Variants in ZNF560 observed in about 807,000 individuals in gnomAD.
The protein encoded by ZNF560 is zinc finger protein 560.
In ZNF560, 54 loss-of-function variants were observed where a neutral mutation model predicts 81.8. That is an observed-to-expected ratio of 0.66 (90% CI 0.53 to 0.83). The LOEUF is 0.83. ZNF560 is among the 40% of genes least tolerant of loss of function. The pLI, the probability that ZNF560 is intolerant of heterozygous loss-of-function variation, is 0.00. For missense variants in ZNF560, 940 were observed against 932.4 expected (o/e 1.01, Z -0.11); for synonymous variants, 321 against 317.9 (o/e 1.01, Z -0.10).
At chr19:9,454,360 G>A in the ZNF560 span, among the ~76,000 whole-genome samples, 7 of 152,312 alleles carry the variant, frequency 4.6e-5, no homozygotes, top group Admixed American at 3.9e-4. Flanking sequence ...GCACCGCTGG[G>A]TTGAGGTCTC....
rs1337761381 is a variant in ZNF560, at chr19:9,491,409, AC to A, written c.-57+6718del. On this transcript the variant is annotated intron_variant, in intron 2 of 9. Coordinates refer to ENST00000301480, the MANE Select transcript of ZNF560 (RefSeq NM_152476.3). ...AGTGTTAGAGTTACAGGCCTGAGCC[AC>A]CATGCCCCATCCAATCAACAAAGAT... Among the ~76,000 whole-genome samples the A allele has an allele frequency of 2.0e-5, 3 of 152,238 alleles. No homozygotes were observed. The East Asian group carries it at 5.8e-4, about 29-fold the overall frequency.
At chr19:9,477,913 T>A (rs1409816242) in intron 2 of ZNF560, among the ~76,000 whole-genome samples, 1 of 152,006 alleles carries the variant, frequency 6.6e-6, no homozygotes, top group East Asian at 1.9e-4. Context: ...AGGGACATCA[T>A]CAAAAGAGCA....
chr19:9,481,519 C>T (rs1379883494), intron 2 of ZNF560, among the ~76,000 whole-genome samples: 4 of 152,068 alleles, frequency 2.6e-5, no homozygotes, highest in Non-Finnish European at 4.4e-5. Flanking sequence ...TTGTAATCTA[C>T]AAATCTGACA....
chr19:9,484,835 A>T (rs1019005607), intron 2 of ZNF560, among the ~76,000 whole-genome samples: 2 of 145,278 alleles, frequency 1.4e-5, no homozygotes, highest in African/African-American at 2.8e-5. Context: ...TTTAAAAAAT[A>T]AAAAAAAGAA....
upstream of ZNF560, among the ~76,000 whole-genome samples, chr19:9,502,336 C>T (rs1053617777): frequency 1.3e-5 from 2 of 151,722 alleles, no homozygotes; most frequent in Admixed American, 6.6e-5. Flanking sequence ...TTCAGCCTCC[C>T]GAGTAGCTGG....
chr19:9,470,465 A>T lies in ZNF560; in HGVS notation c.375T>A (p.Thr125=). ...GGTTTCTCTGAGCTGGGTCCAGTAA[A>T]GTCCACTCTTCCTGGGTGAACTCCA... ...VAVEFTQEEW[T]LLDPAQRNLY... The change falls in exon 7 of 10, where the codon ACT becomes ACA. Residue 125 remains threonine, a synonymous_variant. Coordinates refer to ENST00000301480, the MANE Select transcript of ZNF560 (RefSeq NM_152476.3). The T allele has an allele frequency of 6.2e-7, 1 of 1,614,156 alleles. No homozygotes were observed. The highest frequency in any genetic ancestry group is 8.5e-7 in the Non-Finnish European group (1 of 1,180,020).
chr19:9,493,944 C>T (rs1424935411), intron 2 of ZNF560, among the ~76,000 whole-genome samples: 1 of 151,616 alleles, frequency 6.6e-6, no homozygotes. Context: ...ACCAGCCTGG[C>T]CAACATGGTG....
In ZNF560 at chr19:9,466,564, G is replaced by A. The variant is rs2073019613; in HGVS notation, c.*10C>T. 6.4e-7 allele frequency: 1 copy of A among 1,566,324 alleles called. No homozygotes were observed. ...TTTTTCCACATTCTTCACATCCACAGGGCTTCTCTCTAGTGTGTTTTCAAA... is the reference window on the plus strand; with the variant it reads ...TTTTTCCACATTCTTCACATCCACAAGGCTTCTCTCTAGTGTGTTTTCAAA... On this transcript the variant is annotated 3_prime_UTR_variant, in exon 10 of 10. Coordinates refer to ENST00000301480, the MANE Select transcript of ZNF560 (RefSeq NM_152476.3).
At chr19:9,446,099 C>T in the ZNF560 span, among the ~76,000 whole-genome samples, 3 of 152,120 alleles carry the variant, frequency 2.0e-5, no homozygotes, top group African/African-American at 7.2e-5. Context: ...TGGAACTCTC[C>T]ATGTTGGTCA....
At chr19:9,504,041 C>T in the ZNF560 span, among the ~76,000 whole-genome samples, 2 of 152,144 alleles carry the variant, frequency 1.3e-5, no homozygotes, top group African/African-American at 4.8e-5. Context: ...TTAATTCACA[C>T]ATATTTATGT....
chr19:9,466,656 C>G lies in ZNF560; in HGVS notation c.2291G>C (p.Gly764Ala), dbSNP rs1172651998. 1 of 1,613,914 alleles carries G rather than the reference C, an allele frequency of 6.2e-7. No individual in the cohort carries two copies. The highest frequency in any genetic ancestry group is 8.5e-7 in the Non-Finnish European group (1 of 1,179,994). The change falls in exon 10 of 10, where the codon GGA (glycine) becomes GCA (alanine). Residue 764 changes from glycine to alanine, a missense_variant. Coordinates refer to ENST00000301480, the MANE Select transcript of ZNF560 (RefSeq NM_152476.3). ...GRIQHLRTHM[G>A]EKPFECDQCG... ...CTGGTCACATTCAAAGGGTTTCTCT[C>G]CCATATGAGTTCTTAAATGTTGAAT...
intron 3 of ZNF560, 69 bp downstream of exon 3, chr19:9,475,215 C>T (rs375534092): frequency 2.0e-6 from 3 of 1,531,096 alleles, no homozygotes; most frequent in East Asian, 2.2e-5. Flanking sequence ...ACACATCTGC[C>T]TAGAAGGAAA....
chr19:9,451,052 G>A, the ZNF560 span, among the ~76,000 whole-genome samples: 1 of 152,116 alleles, frequency 6.6e-6, no homozygotes, highest in East Asian at 1.9e-4. Context: ...AGTGCCTAAA[G>A]CAATCTGCAG....
In ZNF560 at chr19:9,466,731, G is replaced by T; in HGVS notation, c.2216C>A (p.Pro739His). 1 of 1,614,062 alleles carries T rather than the reference G, an allele frequency of 6.2e-7. No homozygotes were observed. Among genetic ancestry groups the T allele is most frequent in the Non-Finnish European group, 8.5e-7 (1 of 1,179,994 alleles). Residue 739 changes from proline (P) to histidine (H), a missense_variant, in exon 10 of 10, where the codon CCC becomes CAC. Physicochemically the swap from Pro to His is moderately conservative, Grantham distance 77. Coordinates refer to ENST00000301480, the MANE Select transcript of ZNF560 (RefSeq NM_152476.3). ...NHVRIHTGEK[P>H]YKCKECGKAF... ...CTTCCCACATTCCTTACATTTATAG[G>T]GCTTCTCTCCAGTGTGAATTCGCAC...
intron 5 of ZNF560, among the ~76,000 whole-genome samples, chr19:9,472,258 G>T (rs941704906): frequency 1.3e-5 from 2 of 152,148 alleles, no homozygotes; most frequent in African/African-American, 4.8e-5. Context: ...TTCATGAATG[G>T]CTTAGTGACA....
At chr19:9,494,130 CAAAAAA>C in intron 2 of ZNF560, among the ~76,000 whole-genome samples, 2 of 67,222 alleles carry the variant, frequency 3.0e-5, no homozygotes, top group South Asian at 8.7e-4. Flanking sequence ...GACTCCATCT[CAAAAAA>C]AAAAAAAAAA....
intron 2 of ZNF560, among the ~76,000 whole-genome samples, chr19:9,492,015 C>T (rs1224748404): frequency 6.6e-6 from 1 of 150,626 alleles, no homozygotes; most frequent in Non-Finnish European, 1.5e-5. Flanking sequence ...AGGTCTCACT[C>T]TGTCACCCAG....
chr19:9,468,395 CTCT>C, intron 9 of ZNF560, 61 bp from the exon 10 acceptor site: 1 of 1,232,346 alleles, frequency 8.1e-7, no homozygotes, highest in Non-Finnish European at 1.1e-6. Flanking sequence ...ATAGATACCA[CTCT>C]TCTAAGAAAC....
chr19:9,471,378 T>C lies in ZNF560; in HGVS notation c.239A>G (p.Asp80Gly), dbSNP rs150318401. The change falls in exon 6 of 10, where the codon GAC (aspartate) becomes GGC (glycine). Residue 80 changes from aspartate to glycine, a missense_variant and splice_region_variant. Asp to Gly is a moderately conservative substitution (Grantham distance 94). Coordinates refer to ENST00000301480, the MANE Select transcript of ZNF560 (RefSeq NM_152476.3). ...ACTGGTTTGATGTTTTATTGCCCAG[T>C]CTGAAACAAAAACATAAACTGAGGT... ...LRTLQQGVLQ[D>G]WAIKHQTSVS... 493 of 1,553,378 alleles carry C rather than the reference T, an allele frequency of 3.2e-4. No homozygotes were observed. Among genetic ancestry groups the C allele is most frequent in the Non-Finnish European group, 3.5e-4 (405 of 1,158,094 alleles).
Sources: allele counts gnomAD v4.1 joint callset (sites outside exome capture counted in the v4.1 genomes callset), GRCh38; gene constraint gnomAD v4.1.1; transcripts MANE v1.5; gene names NCBI Gene and HGNC (gene_info 2026-07-23, HGNC 2026-07-21).